The following TSC22D3 variants were observed in gnomAD, a reference collection of about 807,000 sequenced individuals.
TSC22D3 encodes TSC22 domain family protein 3.
In TSC22D3, 4 loss-of-function variants were observed where a neutral mutation model predicts 11.1. The ratio of observed to expected loss-of-function variants is 0.36; its 90% CI spans 0.18 to 0.83. The LOEUF is 0.83. Ranked by LOEUF, TSC22D3 falls within the 40% of genes least tolerant of loss-of-function variation. The pLI is 0.48. For synonymous variants in TSC22D3, 77 were observed against 70.3 expected (o/e 1.10, Z -0.48); for missense variants, 118 against 159.4 (o/e 0.74, Z 1.40).
At chrX:107,745,781 T>C (rs1223668879) in intron 1 of TSC22D3, among the ~76,000 whole-genome samples, 4 of 112,367 alleles carry the variant, frequency 3.6e-5, no homozygotes, top group Non-Finnish European at 7.5e-5. Context: ...CAAACATCCG[T>C]TTGTTTAAAC....
At chrX:107,743,916 T>A (rs1928540651) in intron 1 of TSC22D3, among the ~76,000 whole-genome samples, 1 of 111,740 alleles carries the variant, frequency 8.9e-6, no homozygotes, top group African/African-American at 3.3e-5. Context: ...CCAGTCCAGA[T>A]GTAGTAATAC....
At chrX:107,756,062 G>A (rs772216081) in intron 1 of TSC22D3, among the ~76,000 whole-genome samples, 2 of 111,805 alleles carry the variant, frequency 1.8e-5, no homozygotes, top group East Asian at 5.6e-4. Context: ...GGGACTTCAA[G>A]CTAGGTATAC....
At chrX:107,765,855 C>A (rs1008284879) in intron 1 of TSC22D3, among the ~76,000 whole-genome samples, 2 of 112,195 alleles carry the variant, frequency 1.8e-5, no homozygotes, top group Non-Finnish European at 3.8e-5. Context: ...ATTCTGTGAT[C>A]TGGGGGACTA....
intron 1 of TSC22D3, among the ~76,000 whole-genome samples, chrX:107,756,234 C>A (rs1298636841): frequency 8.9e-6 from 1 of 111,896 alleles, no homozygotes; most frequent in Non-Finnish European, 1.9e-5. Context: ...AGATTTTTTG[C>A]CATATCTGAG....
intron 1 of TSC22D3, among the ~76,000 whole-genome samples, chrX:107,730,104 C>T (rs1326257079): frequency 2.7e-5 from 3 of 112,341 alleles, no homozygotes; most frequent in Non-Finnish European, 5.6e-5. Flanking sequence ...CATTAGATAA[C>T]GTTAATTTTT....
intron 1 of TSC22D3, chrX:107,716,464 C>T: frequency 1.0e-6 from 1 of 998,293 alleles, no homozygotes; most frequent in Admixed American, 4.9e-5. Context: ...GCGGCTGCAG[C>T]AGCTGGTTTT....
chrX:107,746,002 T>A (rs190880292), intron 1 of TSC22D3, among the ~76,000 whole-genome samples: 13 of 112,425 alleles, frequency 1.2e-4, no homozygotes, highest in African/African-American at 1.6e-4. Context: ...ATTCTAGGAT[T>A]GAATATCTAT....
intron 1 of TSC22D3, among the ~76,000 whole-genome samples, chrX:107,728,539 G>A (rs1201154254): frequency 8.9e-6 from 1 of 112,142 alleles, no homozygotes; most frequent in Non-Finnish European, 1.9e-5. Context: ...AGTAGAGGGT[G>A]ATAAAGCCCA....
intron 1 of TSC22D3, among the ~76,000 whole-genome samples, chrX:107,721,103 C>T (rs1927307225): frequency 8.9e-6 from 1 of 111,897 alleles, no homozygotes; most frequent in Admixed American, 9.4e-5. Flanking sequence ...AGGAGCCAGG[C>T]CCTTTGCTGG....
chrX:107,760,950 G>C (rs898693821), intron 1 of TSC22D3, among the ~76,000 whole-genome samples: 28 of 111,931 alleles, frequency 2.5e-4, no homozygotes, highest in African/African-American at 9.1e-4. Context: ...GAGTGACAGA[G>C]CAAGAAGAGG....
At chrX:107,766,953 G>A (rs899937502) in intron 1 of TSC22D3, among the ~76,000 whole-genome samples, 11 of 111,170 alleles carry the variant, frequency 9.9e-5, no homozygotes, top group Non-Finnish European at 1.9e-4. Flanking sequence ...GCCCAGCCTA[G>A]TCTGGGAGTG....
intron 1 of TSC22D3, among the ~76,000 whole-genome samples, chrX:107,770,774 C>T (rs747717229): frequency 8.9e-6 from 1 of 112,529 alleles, no homozygotes; most frequent in African/African-American, 3.2e-5. Flanking sequence ...GCTCCTGTTA[C>T]AGGTTGTTAT....
intron 1 of TSC22D3, among the ~76,000 whole-genome samples, chrX:107,757,481 C>T (rs1602409333): frequency 8.9e-6 from 1 of 112,304 alleles, no homozygotes; most frequent in Admixed American, 9.4e-5. Flanking sequence ...TGAAAATTCT[C>T]TGGTGAGGAG....
At chrX:107,759,302 C>A (rs371942073) in intron 1 of TSC22D3, among the ~76,000 whole-genome samples, 1 of 111,262 alleles carries the variant, frequency 9.0e-6, no homozygotes, top group Non-Finnish European at 1.9e-5. Context: ...CTGCCCAATA[C>A]CATTCTGACA....
chrX:107,738,012 C>A (rs774980911), intron 1 of TSC22D3, among the ~76,000 whole-genome samples: 1 of 112,238 alleles, frequency 8.9e-6, no homozygotes, highest in Non-Finnish European at 1.9e-5. Context: ...ACAAACACTA[C>A]ATCCCAGATA....
chrX:107,743,015 G>T (rs1462185731), intron 1 of TSC22D3, among the ~76,000 whole-genome samples: 4 of 111,731 alleles, frequency 3.6e-5, no homozygotes, highest in African/African-American at 1.3e-4. Flanking sequence ...GGCCGGGTGG[G>T]AAACACGAGC....
chrX:107,768,639 A>G (rs186382132), intron 1 of TSC22D3, among the ~76,000 whole-genome samples: 1 of 112,345 alleles, frequency 8.9e-6, no homozygotes, highest in African/African-American at 3.2e-5. Flanking sequence ...AGCCCAAGCT[A>G]GGCCTTCCAT....
intron 1 of TSC22D3, among the ~76,000 whole-genome samples, chrX:107,745,491 A>G (rs1477358894): frequency 1.8e-5 from 2 of 112,460 alleles, no homozygotes; most frequent in African/African-American, 6.5e-5. Flanking sequence ...TGGTGGACAC[A>G]CATTTATGGA....
At chrX:107,775,909 CG>C (rs1201441719), upstream of TSC22D3, 3 of 114,388 alleles carry the variant, frequency 2.6e-5, no homozygotes, top group Non-Finnish European at 5.5e-5. Flanking sequence ...TGGGCTGTGA[CG>C]GCTGAGCGGT....
Sources: gnomAD v4.1 joint callset for allele counts (sites outside exome capture counted in the v4.1 genomes callset) on GRCh38, gnomAD v4.1.1 for gene constraint, MANE v1.5 for transcripts, NCBI Gene and HGNC (gene_info 2026-07-23, HGNC 2026-07-21) for gene names.